The following DAB1 variants were observed in gnomAD, a reference collection of about 807,000 sequenced individuals.
The protein encoded by DAB1 is disabled homolog 1.
DAB1 carries 15 observed loss-of-function variants against 64.6 expected under a neutral mutation model. The observed-to-expected ratio is 0.23, with a 90% CI of 0.16 to 0.36. The LOEUF (loss-of-function observed/expected upper bound fraction) is 0.36. DAB1 is among the 10% of genes least tolerant of loss of function. The pLI is 1.00. For synonymous variants in DAB1, 235 were observed against 251.9 expected, an observed-to-expected ratio of 0.93 and a Z score of 0.64; for missense variants, 596 against 706.7, an observed-to-expected ratio of 0.84 and a Z score of 1.78.
At chr1:57,775,461 G>A (rs535081089) in intron 6 of DAB1, among the ~76,000 whole-genome samples, 3 of 151,390 alleles carry the variant, frequency 2.0e-5, no homozygotes, top group African/African-American at 7.2e-5. Context: ...CTGATATGTT[G>A]TGTTTTCATT....
intron 7 of DAB1, among the ~76,000 whole-genome samples, chr1:57,528,683 CA>C: frequency 6.6e-6 from 1 of 151,230 alleles, no homozygotes; most frequent in Middle Eastern, 3.4e-3. Flanking sequence ...CACACGGACA[CA>C]CAACATAAGT....
intron 2 of DAB1, among the ~76,000 whole-genome samples, chr1:57,260,955 T>A (rs1558043847): frequency 6.6e-6 from 1 of 152,192 alleles, no homozygotes; most frequent in Non-Finnish European, 1.5e-5. Context: ...GCTGTGGCCT[T>A]GGGCAAGTTA....
At chr1:57,147,374 G>A (rs1659247239) in intron 2 of DAB1, among the ~76,000 whole-genome samples, 1 of 151,946 alleles carries the variant, frequency 6.6e-6, no homozygotes, top group Non-Finnish European at 1.5e-5. Flanking sequence ...GAGGCAGAGA[G>A]AAGGAATGTC....
intron 3 of DAB1, among the ~76,000 whole-genome samples, chr1:58,459,983 A>G (rs1291073739): frequency 6.6e-6 from 1 of 152,236 alleles, no homozygotes; most frequent in Non-Finnish European, 1.5e-5. Context: ...TCTCAAAAAA[A>G]GAAAAAGAAG....
chr1:57,524,909 C>A (rs1327885764), intron 7 of DAB1, among the ~76,000 whole-genome samples: 1 of 152,000 alleles, frequency 6.6e-6, no homozygotes, highest in Non-Finnish European at 1.5e-5. Flanking sequence ...ACCAACCAGA[C>A]CAAAACTGCT....
At chr1:58,186,951 T>C (rs1470488709) in intron 4 of DAB1, among the ~76,000 whole-genome samples, 1 of 152,174 alleles carries the variant, frequency 6.6e-6, no homozygotes, top group Non-Finnish European at 1.5e-5. Context: ...GGCTAGAGCA[T>C]GTCATATAGT....
intron 3 of DAB1, among the ~76,000 whole-genome samples, chr1:58,398,131 G>C (rs559929221): frequency 1.4e-3 from 211 of 152,224 alleles, no homozygotes; most frequent in African/African-American, 5.0e-3. Flanking sequence ...TCTGTTCCCT[G>C]CTTCCCCACA....
At chr1:58,396,276 C>T (rs1644521354) in intron 3 of DAB1, among the ~76,000 whole-genome samples, 1 of 152,140 alleles carries the variant, frequency 6.6e-6, no homozygotes, top group Non-Finnish European at 1.5e-5. Context: ...GAACTGCCGG[C>T]TGCACTGCCC....
At chr1:57,282,620 G>A (rs1483038910) in intron 2 of DAB1, among the ~76,000 whole-genome samples, 3 of 152,050 alleles carry the variant, frequency 2.0e-5, no homozygotes, top group Non-Finnish European at 4.4e-5. Flanking sequence ...TCATGACCGT[G>A]TGACCACAGA....
At chr1:58,197,390 A>G (rs993568050) in intron 4 of DAB1, among the ~76,000 whole-genome samples, 3 of 142,530 alleles carry the variant, frequency 2.1e-5, no homozygotes, top group Non-Finnish European at 3.0e-5. Context: ...ACAAACATTC[A>G]GTAGGAGAGT....
chr1:57,212,614 G>A (rs981584036), intron 2 of DAB1, among the ~76,000 whole-genome samples: 4 of 151,810 alleles, frequency 2.6e-5, no homozygotes, highest in South Asian at 2.1e-4. Context: ...TGACCCACCC[G>A]CCTCGGCCTC....
intron 4 of DAB1, among the ~76,000 whole-genome samples, chr1:57,103,616 G>T (rs1228235370): frequency 6.6e-6 from 1 of 152,076 alleles, no homozygotes; most frequent in Non-Finnish European, 1.5e-5. Flanking sequence ...GGAGGAGAGA[G>T]TAGGGAGGCG....
intron 1 of DAB1, among the ~76,000 whole-genome samples, chr1:57,395,461 G>A (rs1040587642): frequency 3.9e-5 from 6 of 152,122 alleles, no homozygotes; most frequent in South Asian, 2.1e-4. Context: ...CACGGGAAAC[G>A]TAAAGAAGGA....
intron 5 of DAB1, among the ~76,000 whole-genome samples, chr1:57,996,847 A>T (rs1646432689): frequency 6.6e-6 from 1 of 152,000 alleles, no homozygotes; most frequent in South Asian, 2.1e-4. Flanking sequence ...TTCCTTAGTG[A>T]TTCGTTTTAA....
At chr1:58,481,366 T>G (rs1355373968) in intron 3 of DAB1, among the ~76,000 whole-genome samples, 1 of 152,164 alleles carries the variant, frequency 6.6e-6, no homozygotes, top group Non-Finnish European at 1.5e-5. Flanking sequence ...TTTCATGATT[T>G]GGTCAAATAG....
chr1:57,548,134 A>C (rs1644876027), intron 7 of DAB1, among the ~76,000 whole-genome samples: 1 of 152,150 alleles, frequency 6.6e-6, no homozygotes. Context: ...CCAGACTGTG[A>C]GCTTATAGGA....
chr1:57,379,367 A>G (rs906966509), intron 1 of DAB1, among the ~76,000 whole-genome samples: 1 of 152,224 alleles, frequency 6.6e-6, no homozygotes, highest in African/African-American at 2.4e-5. Flanking sequence ...TGAAGCCATA[A>G]GTATTTGCCC....
chr1:57,860,821 C>G (rs1051647900), intron 1 of DAB1: 5 of 152,184 alleles, frequency 3.3e-5, no homozygotes, highest in Admixed American at 2.6e-4. Flanking sequence ...CAAATCAACA[C>G]TCCATATGCC....
At chr1:58,031,421 T>G (rs182427541) in intron 5 of DAB1, among the ~76,000 whole-genome samples, 2 of 152,120 alleles carry the variant, frequency 1.3e-5, no homozygotes, top group Admixed American at 1.3e-4. Context: ...CAGTAATAGG[T>G]AAAACGGATG....
Sources: gnomAD v4.1 joint callset for allele counts (sites outside exome capture counted in the v4.1 genomes callset) on GRCh38, gnomAD v4.1.1 for gene constraint, MANE v1.5 for transcripts, NCBI Gene and HGNC (gene_info 2026-07-23, HGNC 2026-07-21) for gene names.